EPHA3: variants seen among roughly 807,000 people sequenced by gnomAD.
EPHA3 encodes ephrin type-A receptor 3.
A neutral mutation model predicts 107.1 loss-of-function variants in EPHA3; 42 were observed. That is an observed-to-expected ratio of 0.39 (90% CI 0.31 to 0.51). The LOEUF (loss-of-function observed/expected upper bound fraction) is 0.51. Among genes scored for constraint, EPHA3 ranks in the 20% least tolerant of loss-of-function variants. The probability of loss-of-function intolerance (pLI) is 0.78; values close to 1 mark genes in which losing one functional copy is unlikely to be tolerated. For synonymous variants in EPHA3, 461 were observed against 424.8 expected (o/e 1.09, Z -1.05); for missense variants, 1,183 against 1,211.2 (o/e 0.98, Z 0.35).
chr3:89,319,404 G>C lies in EPHA3; in HGVS notation c.815-21512G>C, dbSNP rs568374892. ...TGTATTAGGCAGTATTAGGATATCC[G>C]ATACACAAGGATATATAGGACATAA... On this transcript the variant is annotated intron_variant, in intron 3 of 16. Transcript: ENST00000336596. Among the ~76,000 whole-genome samples, 5 of 152,020 alleles carry C rather than the reference G, an allele frequency of 3.3e-5. No homozygotes were observed. In the East Asian group the frequency reaches 9.7e-4, roughly 29 times the overall value.
At chr3:89,268,884 T>G (rs1274451699) in intron 3 of EPHA3, among the ~76,000 whole-genome samples, 2 of 151,890 alleles carry the variant, frequency 1.3e-5, no homozygotes, top group East Asian at 3.9e-4. Context: ...TGATATAATT[T>G]TTCTTATTTA....
chr3:89,326,222 G>C (rs1350713622), intron 3 of EPHA3, among the ~76,000 whole-genome samples: 1 of 151,892 alleles, frequency 6.6e-6, no homozygotes, highest in Non-Finnish European at 1.5e-5. Flanking sequence ...CAAGTCCCTT[G>C]TATATAATAG....
intron 2 of EPHA3, among the ~76,000 whole-genome samples, chr3:89,154,836 CA>C (rs1412961274): frequency 6.7e-6 from 1 of 149,226 alleles, no homozygotes; most frequent in African/African-American, 2.4e-5. Flanking sequence ...AACACACAGC[CA>C]ACTTCCTTTA....
Position 89,318,528 on chromosome 3 carries a change from A to T in EPHA3, c.815-22388A>T, listed in dbSNP as rs564410278. On this transcript the variant is annotated intron_variant, in intron 3 of 16. Coordinates refer to ENST00000336596, the MANE Select transcript of EPHA3 (RefSeq NM_005233.6). ...AAATCTTTCCGGTATCCTGGCCCTC[A>T]ATCATTTGCACATAATAATCCAATA... is the stretch of plus-strand genomic sequence containing the variant. Among the ~76,000 whole-genome samples, 13 of 151,952 alleles carry T rather than the reference A, an allele frequency of 8.6e-5. No individual in the cohort carries two copies. In the South Asian group the frequency reaches 2.7e-3, roughly 31 times the overall value.
At chr3:89,266,969 T>C (rs73135453) in intron 3 of EPHA3, among the ~76,000 whole-genome samples, 138 of 152,182 alleles carry the variant, frequency 9.1e-4, no homozygotes, top group Non-Finnish European at 1.7e-3. Flanking sequence ...TTAAAAAAAA[T>C]TTCAAATAGT....
At chr3:89,421,181 A>G (rs1412267454) in intron 11 of EPHA3, among the ~76,000 whole-genome samples, 1 of 151,376 alleles carries the variant, frequency 6.6e-6, no homozygotes, top group Admixed American at 6.6e-5. Flanking sequence ...AAATTTCTGG[A>G]ACTATTAATA....
At chr3:89,129,841 T>TA (rs551354936) in intron 2 of EPHA3, among the ~76,000 whole-genome samples, 27 of 151,884 alleles carry the variant, frequency 1.8e-4, no homozygotes, top group African/African-American at 4.6e-4. Context: ...ACGTTTTTCA[T>TA]AAAAAAAAGA....
At chr3:89,234,061 T>C (rs1259340651) in intron 3 of EPHA3, among the ~76,000 whole-genome samples, 1 of 152,192 alleles carries the variant, frequency 6.6e-6, no homozygotes, top group East Asian at 1.9e-4. Flanking sequence ...CTTTTAGAGT[T>C]TCACTTCTTG....
chr3:89,211,434 A>G (rs1313958669), intron 3 of EPHA3, among the ~76,000 whole-genome samples: 1 of 152,048 alleles, frequency 6.6e-6, no homozygotes, highest in Non-Finnish European at 1.5e-5. Context: ...AGGAGAAGTT[A>G]AGTATATTGT....
chr3:89,146,493 G>A (rs1704562057), intron 2 of EPHA3, among the ~76,000 whole-genome samples: 1 of 151,944 alleles, frequency 6.6e-6, no homozygotes. Context: ...TGGGTGGTTT[G>A]TATTTTTCTT....
rs556313345 is a variant in EPHA3, at chr3:89,406,532, G to C, written c.1595-737G>C. On this transcript the variant is annotated intron_variant, in intron 7 of 16. Coordinates refer to ENST00000336596, the MANE Select transcript of EPHA3 (RefSeq NM_005233.6). ...ATAGACAATATACAAATTAATGAAT[G>C]ATTGTGGCTATATTCCAATAAAATT... is the stretch of plus-strand genomic sequence containing the variant. Among the ~76,000 whole-genome samples the C allele has an allele frequency of 1.9e-4, 29 of 152,260 alleles. 1 individual carries two copies. In the South Asian group the frequency reaches 5.4e-3, roughly 28 times the overall value.
At chr3:89,234,838 TTTCC>T (rs201134979) in intron 3 of EPHA3, among the ~76,000 whole-genome samples, 3,831 of 132,782 alleles carry the variant, frequency 0.029, 313 homozygotes, top group Admixed American at 0.18. Context: ...CTTTCCTTTC[TTTCC>T]TTCCTTCCTT....
rs958698767 is a variant in EPHA3, at chr3:89,345,138, A to G, written c.1306+3048A>G. Among the ~76,000 whole-genome samples the G allele has an allele frequency of 7.9e-5, 12 of 151,152 alleles. 1 individual carries two copies. Among genetic ancestry groups the G allele is most frequent in the Non-Finnish European group, 1.3e-4 (9 of 67,534 alleles). ...GCATATCTGTTCATTCTTAACTGCC[A>G]TTATAGAATCTGCCGCTTTCCACTA... On this transcript the variant is annotated intron_variant, in intron 5 of 16. Coordinates refer to ENST00000336596, the MANE Select transcript of EPHA3 (RefSeq NM_005233.6).
chr3:89,450,430 G>A lies in EPHA3; in HGVS notation c.2690+60G>A, dbSNP rs2107555733. 4.6e-6 allele frequency: 7 copies of A among 1,538,326 alleles called. No homozygotes were observed. The Admixed American group carries it at 7.4e-5, about 16-fold the overall frequency. On this transcript the variant is annotated intron_variant, in intron 15 of 16. Transcript: ENST00000336596. ...TGAAATTTGTGTTTGCTATCTCCAA[G>A]ATGTTAATTTTTTTAGCCCACCCCC...
chr3:89,118,392 A>T (rs1181557951), intron 1 of EPHA3, among the ~76,000 whole-genome samples: 3 of 151,978 alleles, frequency 2.0e-5, no homozygotes, highest in African/African-American at 7.2e-5. Context: ...GTTCCAAATC[A>T]TACTAAATGT....
At chr3:89,141,221 G>A (rs1378092962) in intron 2 of EPHA3, among the ~76,000 whole-genome samples, 1 of 151,556 alleles carries the variant, frequency 6.6e-6, no homozygotes. Context: ...ATTATGCCAA[G>A]GGTTTGGCTT....
At chr3:89,312,882 A>G (rs1706798782) in intron 3 of EPHA3, among the ~76,000 whole-genome samples, 1 of 151,982 alleles carries the variant, frequency 6.6e-6, no homozygotes, top group African/African-American at 2.4e-5. Context: ...AATGGCTTCC[A>G]GTTCCCTCCA....
intron 15 of EPHA3, among the ~76,000 whole-genome samples, chr3:89,460,583 G>A (rs1378944482): frequency 6.7e-6 from 1 of 149,454 alleles, no homozygotes; most frequent in African/African-American, 2.5e-5. Context: ...TTAGTAAAAA[G>A]CTTCTGATCT....
intron 13 of EPHA3, among the ~76,000 whole-genome samples, chr3:89,432,132 G>A (rs926511962): frequency 7.2e-5 from 11 of 151,806 alleles, no homozygotes; most frequent in Non-Finnish European, 1.2e-4. Flanking sequence ...TATGTGATCT[G>A]CCTGCATTCA....
Sources: allele counts gnomAD v4.1 joint callset (sites outside exome capture counted in the v4.1 genomes callset), GRCh38; gene constraint gnomAD v4.1.1; transcripts MANE v1.5; gene names NCBI Gene and HGNC (gene_info 2026-07-23, HGNC 2026-07-21).